Variants in CA10 observed in about 807,000 individuals in gnomAD.
CA10 encodes carbonic anhydrase-related protein 10.
A neutral mutation model predicts 44.2 loss-of-function variants in CA10; 14 were observed. The ratio of observed to expected loss-of-function variants is 0.32; its 90% confidence interval spans 0.21 to 0.50. The LOEUF is 0.50. Among genes scored for constraint, CA10 ranks in the 20% least tolerant of loss-of-function variants. The pLI is 0.99. For missense variants in CA10, 350 were observed against 409.7 expected, an observed-to-expected ratio of 0.85 and a Z score of 1.26; for synonymous variants, 159 against 141.6, an observed-to-expected ratio of 1.12 and a Z score of -0.87.
intron 4 of CA10, among the ~76,000 whole-genome samples, chr17:51,717,738 TATATATACATGTATATATAC>T (rs1379220789): frequency 1.4e-4 from 3 of 21,050 alleles, no homozygotes; most frequent in East Asian, 2.4e-3. Context: ...CATATATACG[TATATATACATGTATATATAC>T]GTATATATGT....
chr17:51,771,703 T>A (rs1124281), intron 3 of CA10, among the ~76,000 whole-genome samples: 34,104 of 152,122 alleles, frequency 0.22, 4,233 homozygotes, highest in Middle Eastern at 0.38. Flanking sequence ...CTCTTTCCTG[T>A]TGACTTAGCA....
chr17:52,072,500 CCAAAGTCATACTA>C (rs1405161506), intron 1 of CA10, 107 bp from the exon 2 acceptor site: 2 of 739,024 alleles, frequency 2.7e-6, no homozygotes, highest in Non-Finnish European at 4.6e-6. Flanking sequence ...CTTTTCTACC[CCAAAGTCATACTA>C]CAACAGAACC....
intron 3 of CA10, among the ~76,000 whole-genome samples, chr17:51,812,146 C>G (rs1336422061): frequency 6.6e-6 from 1 of 152,184 alleles, no homozygotes; most frequent in Non-Finnish European, 1.5e-5. Context: ...CCCACCTGTA[C>G]CAGCTCATGC....
intron 2 of CA10, among the ~76,000 whole-genome samples, chr17:52,002,239 A>T (rs544954410): frequency 1.3e-5 from 2 of 152,110 alleles, no homozygotes; most frequent in South Asian, 2.1e-4. Flanking sequence ...AAAAAAAAAT[A>T]AAAAACATGA....
intron 2 of CA10, among the ~76,000 whole-genome samples, chr17:51,939,712 T>C (rs1020762771): frequency 5.3e-5 from 8 of 152,144 alleles, no homozygotes; most frequent in African/African-American, 1.9e-4. Context: ...GCATTTCTCT[T>C]CTGATCGTAT....
intron 2 of CA10, among the ~76,000 whole-genome samples, chr17:52,011,876 T>C (rs1489602915): frequency 6.6e-6 from 1 of 152,058 alleles, no homozygotes; most frequent in Non-Finnish European, 1.5e-5. Context: ...ATGAGAATTG[T>C]TTTTCCCAGG....
intron 2 of CA10, among the ~76,000 whole-genome samples, chr17:51,988,782 T>C (rs1473741652): frequency 6.6e-6 from 1 of 152,008 alleles, no homozygotes; most frequent in Non-Finnish European, 1.5e-5. Context: ...CAATAGGAGA[T>C]GCATATATAA....
chr17:51,834,405 A>C (rs1456114858), intron 3 of CA10, among the ~76,000 whole-genome samples: 1 of 152,240 alleles, frequency 6.6e-6, no homozygotes, highest in Non-Finnish European at 1.5e-5. Context: ...CTCCTTCCTC[A>C]GATTCTCTGT....
Position 51,856,044 on chromosome 17 carries a change from C to T in CA10, c.279+74946G>A, listed in dbSNP as rs562951258. 3.3e-5 allele frequency among the ~76,000 whole-genome samples: 5 copies of T among 152,272 alleles called. No individual in the cohort carries two copies. In the East Asian group the frequency reaches 7.7e-4, roughly 24 times the overall value. On this transcript the variant is annotated intron_variant, in intron 3 of 8. Coordinates refer to ENST00000451037, the MANE Select transcript of CA10 (RefSeq NM_020178.5). ...AGCTCTGAGCAGGCATGCACCTGTG[C>T]CCCGCGCAAATGTGCAAGCCTTAAG...
chr17:52,054,608 G>A (rs909950412), intron 2 of CA10, among the ~76,000 whole-genome samples: 8 of 151,844 alleles, frequency 5.3e-5, no homozygotes, highest in Admixed American at 3.9e-4. Flanking sequence ...CTGGTTTTGC[G>A]GCTTGGGGGG....
At chr17:52,015,843 T>A (rs1985951594) in intron 2 of CA10, among the ~76,000 whole-genome samples, 1 of 152,128 alleles carries the variant, frequency 6.6e-6, no homozygotes, top group South Asian at 2.1e-4. Context: ...GTTGTTGGCA[T>A]AGGATCTAAT....
chr17:52,150,556 G>A (rs535841944), intron 1 of CA10, among the ~76,000 whole-genome samples: 1 of 152,222 alleles, frequency 6.6e-6, no homozygotes, highest in South Asian at 2.1e-4. Context: ...TCATTTTATA[G>A]TAACTGAACC....
chr17:52,133,644 T>C (rs575298766), intron 1 of CA10, among the ~76,000 whole-genome samples: 1 of 152,348 alleles, frequency 6.6e-6, no homozygotes, highest in South Asian at 2.1e-4. Flanking sequence ...TTCTTAATTC[T>C]AGCTCAAAGT....
At chr17:51,864,343 C>T (rs1156479275) in intron 3 of CA10, among the ~76,000 whole-genome samples, 1 of 152,122 alleles carries the variant, frequency 6.6e-6, no homozygotes, top group Non-Finnish European at 1.5e-5. Context: ...TAAATATTTG[C>T]TAAATGAATA....
chr17:51,879,525 A>T (rs955483612), intron 3 of CA10, among the ~76,000 whole-genome samples: 1 of 152,210 alleles, frequency 6.6e-6, no homozygotes, highest in Admixed American at 6.5e-5. Flanking sequence ...TATTATTAAG[A>T]TGAACAAAAA....
At chr17:51,720,758 TGGAGAGAGGGAA>T (rs200591742) in intron 4 of CA10, among the ~76,000 whole-genome samples, 3,084 of 152,052 alleles carry the variant, frequency 0.02, 116 homozygotes, top group African/African-American at 0.07. Flanking sequence ...CAGAGGTTGG[TGGAGAGAGGGAA>T]GGAGAAAGGG....
At chr17:51,811,809 TAC>T (rs1907378264) in intron 3 of CA10, among the ~76,000 whole-genome samples, 1 of 152,208 alleles carries the variant, frequency 6.6e-6, no homozygotes, top group Admixed American at 6.5e-5. Flanking sequence ...GTTTACTAAT[TAC>T]AGTTTTAACC....
At chr17:51,804,322 T>C (rs1373110626) in intron 3 of CA10, among the ~76,000 whole-genome samples, 2 of 152,234 alleles carry the variant, frequency 1.3e-5, no homozygotes, top group Non-Finnish European at 2.9e-5. Context: ...GACCTATCAC[T>C]GTCCGCATTT....
intron 1 of CA10, among the ~76,000 whole-genome samples, chr17:52,086,436 T>C (rs1268432210): frequency 2.0e-5 from 3 of 151,934 alleles, no homozygotes; most frequent in African/African-American, 7.3e-5. Context: ...GAAAAAAGCG[T>C]GGAGGATTTT....
Sources: allele counts gnomAD v4.1 joint callset (sites outside exome capture counted in the v4.1 genomes callset), GRCh38; gene constraint gnomAD v4.1.1; transcripts MANE v1.5; gene names NCBI Gene and HGNC (gene_info 2026-07-23, HGNC 2026-07-21).